Variants in ACSM5 observed in about 807,000 individuals in gnomAD.
ACSM5 encodes the protein acyl-coenzyme A synthetase ACSM5, mitochondrial.
Under a neutral mutation model 71.6 loss-of-function variants are expected in ACSM5, and 56 were observed. The ratio of observed to expected loss-of-function variants is 0.78; its 90% confidence interval spans 0.63 to 0.98. The LOEUF is 0.98. ACSM5 is among the 50% of genes least tolerant of loss of function. The pLI is 0.00. For missense variants in ACSM5, 723 were observed against 726.0 expected, an observed-to-expected ratio of 1.00 and a Z score of 0.05; for synonymous variants, 285 against 281.5, an observed-to-expected ratio of 1.01 and a Z score of -0.12.
intron 1 of ACSM5, among the ~76,000 whole-genome samples, chr16:20,410,382 A>G (rs1317873918): frequency 2.0e-5 from 3 of 152,284 alleles, no homozygotes; most frequent in African/African-American, 4.8e-5. Flanking sequence ...CTAATTCTAC[A>G]TATGTAGGGT....
chr16:20,431,936 C>T (rs749909678), intron 10 of ACSM5, among the ~76,000 whole-genome samples: 1 of 143,628 alleles, frequency 7.0e-6, no homozygotes, highest in Admixed American at 7.1e-5. Flanking sequence ...GGGAACGAGA[C>T]TCCGTATCAA....
intron 7 of ACSM5, among the ~76,000 whole-genome samples, chr16:20,428,217 G>T (rs1023842751): frequency 6.6e-6 from 1 of 152,222 alleles, no homozygotes; most frequent in Admixed American, 6.5e-5. Context: ...TGTCAGCAGT[G>T]TGTCTGCTAC....
Position 20,421,306 on chromosome 16 carries a change from G to A in ACSM5, c.672G>A (p.Pro224=), listed in dbSNP as rs377484215. Residue 224 remains proline (P), a synonymous_variant, in exon 5 of 14, where the codon CCG becomes CCA. Coordinates refer to ENST00000331849, the MANE Select transcript of ACSM5 (RefSeq NM_017888.3). ...GCATGAGGACAAAGAGTCGAGACCCGCTGGCCATCTACTTTACCAGCGGAA... is the reference window on the plus strand; with the variant it reads ...GCATGAGGACAAAGAGTCGAGACCCACTGGCCATCTACTTTACCAGCGGAA... The part of the protein sequence containing the change: ...HNCMRTKSRD[P]LAIYFTSGTT... 3.2e-5 allele frequency: 51 copies of A among 1,606,772 alleles called. No homozygotes were observed. The highest frequency in any genetic ancestry group is 3.3e-4 in the Middle Eastern group (2 of 6,054).
intron 7 of ACSM5, 65 bp from the exon 8 acceptor site, chr16:20,429,613 G>T (rs1215715758): frequency 6.2e-7 from 1 of 1,604,336 alleles, no homozygotes; most frequent in Non-Finnish European, 8.5e-7. Context: ...CTGGGCAGTG[G>T]CACCAGAGGG....
chr16:20,425,596 C>A (rs1469840156), intron 6 of ACSM5, among the ~76,000 whole-genome samples: 1 of 152,092 alleles, frequency 6.6e-6, no homozygotes, highest in African/African-American at 2.4e-5. Flanking sequence ...CCATTTTCCC[C>A]AAGTCCCCAA....
intron 2 of ACSM5, among the ~76,000 whole-genome samples, chr16:20,417,583 A>G (rs1173029964): frequency 6.6e-6 from 1 of 152,226 alleles, no homozygotes; most frequent in East Asian, 1.9e-4. Flanking sequence ...AATTTGCACA[A>G]TGTTTCTTTT....
chr16:20,432,203 T>A (rs977666099), intron 10 of ACSM5, among the ~76,000 whole-genome samples: 1 of 152,138 alleles, frequency 6.6e-6, no homozygotes. Flanking sequence ...TAGAAACACC[T>A]GGCAAGCCTC....
intron 10 of ACSM5, among the ~76,000 whole-genome samples, chr16:20,432,049 A>G (rs1967111024): frequency 6.6e-6 from 1 of 152,156 alleles, no homozygotes; most frequent in Admixed American, 6.5e-5. Flanking sequence ...GTTTGCTAGC[A>G]GGGCACAAAC....
chr16:20,427,855 A>G lies in ACSM5; in HGVS notation c.989A>G (p.Glu330Gly), dbSNP rs529627648. The change falls in exon 7 of 14, where the codon GAG (glutamate) becomes GGG (glycine). Residue 330 changes from glutamate to glycine, a missense_variant. Glu to Gly is a moderately conservative substitution (Grantham distance 98). Transcript: ENST00000331849. ...VPTIFRLLVQ[E>G]DLTRYQFQSL... is the part of the protein sequence containing the mutation. ...ACCATCTTTCGGCTGCTTGTGCAGG[A>G]GGATCTGACCAGGTACAGCCCGTCT... 3 of 1,613,670 alleles carry G rather than the reference A, an allele frequency of 1.9e-6. No homozygotes were observed. Among genetic ancestry groups the G allele is most frequent in the Admixed American group, 1.7e-5 (1 of 60,016 alleles).
At chr16:20,414,432 G>T (rs1488687089) in intron 2 of ACSM5, among the ~76,000 whole-genome samples, 1 of 152,180 alleles carries the variant, frequency 6.6e-6, no homozygotes, top group East Asian at 1.9e-4. Context: ...AATGTGAATT[G>T]CCTCTGAAAA....
chr16:20,412,687 CG>C (rs1336265783), intron 2 of ACSM5, among the ~76,000 whole-genome samples: 14 of 152,072 alleles, frequency 9.2e-5, no homozygotes, highest in Non-Finnish European at 1.6e-4. Context: ...AAAACAATTA[CG>C]GACAAATGTT....
intron 1 of ACSM5, among the ~76,000 whole-genome samples, chr16:20,410,916 A>G (rs575329914): frequency 1.3e-5 from 2 of 152,350 alleles, no homozygotes; most frequent in East Asian, 1.9e-4. Flanking sequence ...TACCAAAAAA[A>G]ACAAAAAATA....
intron 10 of ACSM5, among the ~76,000 whole-genome samples, chr16:20,434,471 A>T (rs918161902): frequency 4.9e-4 from 74 of 152,198 alleles, no homozygotes; most frequent in African/African-American, 1.8e-3. Context: ...AGGCTGGTGG[A>T]TCACCTGAGG....
Position 20,411,993 on chromosome 16 carries a change from G to A in ACSM5, c.204+305G>A, listed in dbSNP as rs1166651572. ...TTCATCAACTGAAGGAGGAAGTTTT[G>A]TTTTGCTGCTACTCTGTCTTTGATG... On this transcript the variant is annotated intron_variant, in intron 2 of 13. Transcript: ENST00000331849. The A allele has an allele frequency of 8.0e-6, 3 of 375,944 alleles. No individual in the cohort carries two copies. In the Admixed American group the frequency reaches 1.2e-4, roughly 15 times the overall value. The allele number at this position is 375,944 out of a possible 1,614,324, so 23.3% of individuals were successfully genotyped here.
chr16:20,424,662 G>C (rs1026424147), intron 6 of ACSM5, among the ~76,000 whole-genome samples: 5 of 152,234 alleles, frequency 3.3e-5, no homozygotes, highest in Admixed American at 2.0e-4. Context: ...CAGTCAAAGA[G>C]TCAGACCTGG....
intron 10 of ACSM5, among the ~76,000 whole-genome samples, chr16:20,432,582 A>G (rs1031376914): frequency 2.6e-5 from 4 of 152,172 alleles, no homozygotes; most frequent in African/African-American, 7.2e-5. Flanking sequence ...AAGCAATAGT[A>G]AATCTTTGAC....
intron 7 of ACSM5, among the ~76,000 whole-genome samples, chr16:20,428,265 C>T (rs1967028156): frequency 6.6e-6 from 1 of 152,166 alleles, no homozygotes; most frequent in Admixed American, 6.5e-5. Flanking sequence ...AAATTGTTAG[C>T]CACCTGTGGA....
chr16:20,437,500 G>GAC (rs965478089), intron 12 of ACSM5, 133 bp downstream of exon 12: 2 of 700,826 alleles, frequency 2.9e-6, no homozygotes, highest in African/African-American at 3.6e-5. Flanking sequence ...GCCACCATCA[G>GAC]ACACACGTTG....
At chr16:20,422,223 T>C (rs1392206875) in intron 5 of ACSM5, among the ~76,000 whole-genome samples, 1 of 152,194 alleles carries the variant, frequency 6.6e-6, no homozygotes, top group Non-Finnish European at 1.5e-5. Context: ...GCAATTCTCC[T>C]GCCTCAGCCT....
Sources: allele counts gnomAD v4.1 joint callset (sites outside exome capture counted in the v4.1 genomes callset), GRCh38; gene constraint gnomAD v4.1.1; transcripts MANE v1.5; gene names NCBI Gene and HGNC (gene_info 2026-07-23, HGNC 2026-07-21).